The following CSMD1 variants were observed in gnomAD, a reference collection of about 807,000 sequenced individuals.
CSMD1 encodes CUB and Sushi multiple domains 1, also known as CUB and sushi domain-containing protein 1.
Under a neutral mutation model 417.5 loss-of-function variants are expected in CSMD1, and 213 were observed. The ratio of observed to expected loss-of-function variants is 0.51; its 90% CI spans 0.46 to 0.57. CSMD1 has a LOEUF of 0.57. CSMD1 is among the 20% of genes least tolerant of loss of function. The probability of loss-of-function intolerance (pLI) is 0.00; values close to 1 mark genes in which losing one functional copy is unlikely to be tolerated. For missense variants in CSMD1, 6,923 were observed against 4,529.7 expected, an observed-to-expected ratio of 1.53 and a Z score of -15.17; for synonymous variants, 2,862 against 1,736.8, an observed-to-expected ratio of 1.65 and a Z score of -16.11.
intron 3 of CSMD1, among the ~76,000 whole-genome samples, chr8:4,407,449 C>G (rs1465675241): frequency 6.6e-6 from 1 of 152,106 alleles, no homozygotes; most frequent in Non-Finnish European, 1.5e-5. Context: ...GTGATTAAAT[C>G]AAAAGTATGT....
intron 5 of CSMD1, among the ~76,000 whole-genome samples, chr8:3,800,664 C>A (rs556144986): frequency 6.6e-6 from 1 of 152,210 alleles, no homozygotes; most frequent in Admixed American, 6.5e-5. Context: ...TCATGAACGG[C>A]TTGGTGATAT....
chr8:3,910,447 T>G (rs1207190604), intron 5 of CSMD1, among the ~76,000 whole-genome samples: 1 of 152,158 alleles, frequency 6.6e-6, no homozygotes, highest in African/African-American at 2.4e-5. Context: ...TCACGAAATT[T>G]AAGTGTTCAG....
intron 4 of CSMD1, among the ~76,000 whole-genome samples, chr8:4,010,621 C>G (rs73503220): frequency 0.013 from 1,966 of 152,194 alleles, 50 homozygotes; most frequent in African/African-American, 0.045. Flanking sequence ...CATACCAGGT[C>G]ACTTACCCAA....
At chr8:4,033,788 T>C (rs528816934) in intron 3 of CSMD1, among the ~76,000 whole-genome samples, 3 of 152,340 alleles carry the variant, frequency 2.0e-5, no homozygotes, top group Non-Finnish European at 2.9e-5. Context: ...TTCCTTGATA[T>C]GATTCTCTAT....
At chr8:3,236,925 G>A (rs1799187955) in intron 26 of CSMD1, among the ~76,000 whole-genome samples, 2 of 152,000 alleles carry the variant, frequency 1.3e-5, no homozygotes, top group Admixed American at 1.3e-4. Flanking sequence ...AAAATCTCAA[G>A]TCACAGAGGC....
At chr8:4,959,944 T>G (rs1809368955) in intron 1 of CSMD1, among the ~76,000 whole-genome samples, 1 of 152,170 alleles carries the variant, frequency 6.6e-6, no homozygotes, top group Non-Finnish European at 1.5e-5. Flanking sequence ...AAATAACACT[T>G]ACTCTCCTTA....
rs1471637124 is a variant in CSMD1, at chr8:3,427,858, C to T, written c.1562-18253G>A. ...CAGAGGAGGCGTATGCCTGTCAAAT[C>T]GATTACTGTCAATGTGTAATGTTAG... On this transcript the variant is annotated intron_variant, in intron 12 of 69. Transcript: ENST00000635120. Among the ~76,000 whole-genome samples, 7 of 152,306 alleles carry T rather than the reference C, an allele frequency of 4.6e-5. No individual in the cohort carries two copies. The East Asian group carries it at 7.7e-4, about 17-fold the overall frequency.
chr8:4,614,867 TA>T (rs1801387973), intron 2 of CSMD1, among the ~76,000 whole-genome samples: 1 of 152,198 alleles, frequency 6.6e-6, no homozygotes, highest in African/African-American at 2.4e-5. Flanking sequence ...CCTAAAGATA[TA>T]AAGTATTATT....
Position 3,917,927 on chromosome 8 carries a change from G to C in CSMD1, c.818+79976C>G, listed in dbSNP as rs547011041. ...TTAAAGTTCTCAGTGTGTTTTTTAA[G>C]CATTTAAAATCTAATTTTAAATGTT... On this transcript the variant is annotated intron_variant, in intron 5 of 69. Coordinates refer to ENST00000635120, the MANE Select transcript of CSMD1 (RefSeq NM_033225.6). 7.2e-5 allele frequency among the ~76,000 whole-genome samples: 11 copies of C among 152,088 alleles called. No individual in the cohort carries two copies. In the East Asian group the frequency reaches 1.7e-3, roughly 24 times the overall value.
At chr8:4,216,297 T>C (rs940086013) in intron 3 of CSMD1, among the ~76,000 whole-genome samples, 6 of 152,160 alleles carry the variant, frequency 3.9e-5, no homozygotes, top group Non-Finnish European at 8.8e-5. Context: ...GGTTGCCTAG[T>C]CAATTCTATC....
At chr8:3,406,587 C>T (rs1368349709) in intron 14 of CSMD1, among the ~76,000 whole-genome samples, 1 of 152,098 alleles carries the variant, frequency 6.6e-6, no homozygotes, top group Non-Finnish European at 1.5e-5. Context: ...TGTCAGAGGA[C>T]TCTGACATTG....
At chr8:4,125,987 G>T (rs900438288) in intron 3 of CSMD1, among the ~76,000 whole-genome samples, 9 of 152,080 alleles carry the variant, frequency 5.9e-5, no homozygotes, top group African/African-American at 1.9e-4. Context: ...TAAGATCGGT[G>T]GTTGTGATAT....
In CSMD1 at chr8:4,235,906, C is replaced by G. The variant is rs1420131491; in HGVS notation, c.415+184047G>C. Among the ~76,000 whole-genome samples, 6 of 152,154 alleles carry G rather than the reference C, an allele frequency of 3.9e-5. No individual in the cohort carries two copies. The South Asian group carries it at 6.2e-4, about 16-fold the overall frequency. The stretch of plus-strand genomic sequence containing the variant: ...CGGCTGACACATCCCGTAGCTGAGC[C>G]GCAGCTTCCGCCAACAAACCATTTG... On this transcript the variant is annotated intron_variant, in intron 3 of 69. Coordinates refer to ENST00000635120, the MANE Select transcript of CSMD1 (RefSeq NM_033225.6).
At chr8:2,942,355 AG>A in intron 69 of CSMD1, 116 bp downstream of exon 69, 5 of 911,522 alleles carry the variant, frequency 5.5e-6, no homozygotes, top group East Asian at 2.7e-5. Flanking sequence ...AAAAAAAAAA[AG>A]AACATTGCAT....
intron 3 of CSMD1, among the ~76,000 whole-genome samples, chr8:4,094,127 CGT>C (rs1275672334): frequency 2.0e-5 from 3 of 151,938 alleles, no homozygotes. Flanking sequence ...ATGGTGCCTC[CGT>C]GTGTGGGGGG....
intron 3 of CSMD1, among the ~76,000 whole-genome samples, chr8:4,089,991 C>A (rs1800631785): frequency 6.6e-6 from 1 of 152,172 alleles, no homozygotes; most frequent in Non-Finnish European, 1.5e-5. Flanking sequence ...TAATGGAAAC[C>A]TACTTTCTCT....
intron 2 of CSMD1, among the ~76,000 whole-genome samples, chr8:4,459,734 G>T (rs966337106): frequency 7.9e-5 from 12 of 152,152 alleles, no homozygotes; most frequent in African/African-American, 2.9e-4. Context: ...CAATCAGGTG[G>T]AAATTTATTA....
Position 4,344,807 on chromosome 8 carries a change from T to G in CSMD1, c.415+75146A>C, listed in dbSNP as rs1317849005. 3.9e-5 allele frequency among the ~76,000 whole-genome samples: 6 copies of G among 152,124 alleles called. No homozygotes were observed. In the East Asian group the frequency reaches 9.7e-4, roughly 24 times the overall value. The stretch of plus-strand genomic sequence containing the variant: ...CCAGCAAGAAATATACATTAGCATA[T>G]GATATATAGCAGCTGATCTTTAAAA... On this transcript the variant is annotated intron_variant, in intron 3 of 69. Coordinates refer to ENST00000635120, the MANE Select transcript of CSMD1 (RefSeq NM_033225.6).
chr8:3,206,931 C>A (rs1366641852), intron 30 of CSMD1, among the ~76,000 whole-genome samples: 7 of 152,036 alleles, frequency 4.6e-5, no homozygotes, highest in Non-Finnish European at 1.0e-4. Context: ...GCCAAGTCAG[C>A]TCCCCTCATC....
Sources: allele counts gnomAD v4.1 joint callset (sites outside exome capture counted in the v4.1 genomes callset), GRCh38; gene constraint gnomAD v4.1.1; transcripts MANE v1.5; gene names NCBI Gene and HGNC (gene_info 2026-07-23, HGNC 2026-07-21).